DGKB: variants seen among roughly 807,000 people sequenced by gnomAD.
The protein encoded by DGKB is diacylglycerol kinase beta, also known as 90 kDa diacylglycerol kinase.
Under a neutral mutation model 114.3 loss-of-function variants are expected in DGKB, and 67 were observed. The ratio of observed to expected loss-of-function variants is 0.59; its 90% CI spans 0.48 to 0.72. DGKB has a LOEUF of 0.72. DGKB is among the 30% of genes least tolerant of loss of function. The pLI, the probability that DGKB is intolerant of heterozygous loss-of-function variation, is 0.00. For missense variants in DGKB, 907 were observed against 975.2 expected (o/e 0.93, Z 0.93); for synonymous variants, 398 against 323.1 (o/e 1.23, Z -2.49).
chr7:14,675,997 T>G (rs909785872), intron 12 of DGKB, among the ~76,000 whole-genome samples: 3 of 152,076 alleles, frequency 2.0e-5, no homozygotes, highest in African/African-American at 7.2e-5. Context: ...GAGATATACT[T>G]GAGGAAAAAA....
intron 2 of DGKB, among the ~76,000 whole-genome samples, chr7:14,761,552 G>C (rs533535566): frequency 2.9e-4 from 44 of 152,272 alleles, no homozygotes; most frequent in African/African-American, 1.0e-3. Flanking sequence ...CAGTGGAGAG[G>C]GGAAAGGATC....
chr7:14,638,711 T>C (rs1249334515), intron 13 of DGKB, among the ~76,000 whole-genome samples: 1 of 152,164 alleles, frequency 6.6e-6, no homozygotes, highest in South Asian at 2.1e-4. Context: ...ATGTTGACTT[T>C]AAGCTTCTGT....
chr7:14,474,110 G>T (rs1171424429), intron 21 of DGKB, among the ~76,000 whole-genome samples: 2 of 152,150 alleles, frequency 1.3e-5, no homozygotes, highest in Admixed American at 6.5e-5. Context: ...AGAATGATAT[G>T]GTTTGGCCAT....
chr7:14,198,206 T>C (rs1785302500), intron 23 of DGKB, among the ~76,000 whole-genome samples: 1 of 151,982 alleles, frequency 6.6e-6, no homozygotes, highest in Admixed American at 6.6e-5. Flanking sequence ...ATTCCAGGTA[T>C]TGAAAATAGT....
chr7:14,507,881 T>G (rs1787344457), intron 20 of DGKB, among the ~76,000 whole-genome samples: 1 of 152,186 alleles, frequency 6.6e-6, no homozygotes, highest in African/African-American at 2.4e-5. Context: ...TCCAAACACT[T>G]GTCCATCCTA....
chr7:14,529,919 T>C (rs920638262), intron 20 of DGKB, among the ~76,000 whole-genome samples: 2 of 151,746 alleles, frequency 1.3e-5, no homozygotes, highest in East Asian at 3.9e-4. Flanking sequence ...ATACAAATAC[T>C]TAGTCAAGTG....
intron 1 of DGKB, among the ~76,000 whole-genome samples, chr7:14,917,824 A>G (rs763506345): frequency 6.6e-6 from 1 of 152,086 alleles, no homozygotes; most frequent in Admixed American, 6.6e-5. Context: ...ATGAAAAACT[A>G]TAGACAATTA....
At chr7:14,190,229 CAA>C (rs1784101767) in intron 23 of DGKB, among the ~76,000 whole-genome samples, 1 of 152,008 alleles carries the variant, frequency 6.6e-6, no homozygotes, top group East Asian at 1.9e-4. Flanking sequence ...TAGAAATTAA[CAA>C]AATAAAATTT....
chr7:14,362,561 A>G (rs1016269081), intron 21 of DGKB, among the ~76,000 whole-genome samples: 2 of 152,012 alleles, frequency 1.3e-5, no homozygotes, highest in African/African-American at 4.8e-5. Context: ...ATTTATCTAA[A>G]TGTGAGATTA....
At chr7:14,381,102 A>T (rs928259775) in intron 21 of DGKB, among the ~76,000 whole-genome samples, 3 of 152,166 alleles carry the variant, frequency 2.0e-5, no homozygotes, top group Non-Finnish European at 2.9e-5. Context: ...ATTGGCTGAG[A>T]GCTCAGGGGC....
At chr7:14,512,636 C>T (rs570904351) in intron 20 of DGKB, among the ~76,000 whole-genome samples, 2 of 152,090 alleles carry the variant, frequency 1.3e-5, no homozygotes, top group East Asian at 3.9e-4. Flanking sequence ...AACAAAGAAA[C>T]TAGTATGGTA....
chr7:14,302,516 C>T (rs1003643051), intron 23 of DGKB, among the ~76,000 whole-genome samples: 8 of 152,090 alleles, frequency 5.3e-5, no homozygotes, highest in African/African-American at 1.4e-4. Context: ...AGCCTGCCCC[C>T]GGCCCCATTG....
At chr7:14,257,968 T>C (rs1245025973) in intron 23 of DGKB, among the ~76,000 whole-genome samples, 1 of 152,132 alleles carries the variant, frequency 6.6e-6, no homozygotes, top group East Asian at 1.9e-4. Context: ...CCTCAGGTAA[T>C]CCACTTGCCT....
chr7:14,426,271 A>G (rs1827510444), intron 21 of DGKB, among the ~76,000 whole-genome samples: 1 of 152,142 alleles, frequency 6.6e-6, no homozygotes, highest in Non-Finnish European at 1.5e-5. Context: ...ATTTATGTAT[A>G]AAGGATAAGA....
intron 25 of DGKB, chr7:14,176,350 A>G: frequency 2.0e-6 from 2 of 985,024 alleles, no homozygotes; most frequent in South Asian, 9.4e-5. Flanking sequence ...ATTCTGGAAA[A>G]CACAATTAAT....
intron 1 of DGKB, among the ~76,000 whole-genome samples, chr7:14,945,678 T>C (rs1785832491): frequency 6.6e-6 from 1 of 151,718 alleles, no homozygotes; most frequent in Non-Finnish European, 1.5e-5. Flanking sequence ...AACTAACAGA[T>C]GTTATTACAA....
At chr7:14,239,293 T>A (rs921935495) in intron 23 of DGKB, among the ~76,000 whole-genome samples, 1 of 80,892 alleles carries the variant, frequency 1.2e-5, no homozygotes, top group Non-Finnish European at 2.3e-5. Context: ...TATTGCTGAT[T>A]TCAAAAAGTT....
chr7:14,490,226 A>C (rs547774578), intron 20 of DGKB, among the ~76,000 whole-genome samples: 7 of 152,190 alleles, frequency 4.6e-5, no homozygotes, highest in African/African-American at 1.7e-4. Flanking sequence ...ATATGTAACT[A>C]TATGTAAATA....
At chr7:14,243,245 T>A (rs966498666) in intron 23 of DGKB, among the ~76,000 whole-genome samples, 6 of 152,178 alleles carry the variant, frequency 3.9e-5, no homozygotes, top group African/African-American at 1.4e-4. Flanking sequence ...AATGCCTACT[T>A]AAGTGTGGGA....
Sources: allele counts gnomAD v4.1 joint callset (sites outside exome capture counted in the v4.1 genomes callset), GRCh38; gene constraint gnomAD v4.1.1; transcripts MANE v1.5; gene names NCBI Gene and HGNC (gene_info 2026-07-23, HGNC 2026-07-21).